Variants in GPC6 observed in about 807,000 individuals in gnomAD.
GPC6 encodes glypican 6.
A neutral mutation model predicts 55.2 loss-of-function variants in GPC6; 14 were observed. That is an observed-to-expected ratio of 0.25 (90% CI 0.17 to 0.40). GPC6 has a LOEUF of 0.40. GPC6 is among the 10% of genes least tolerant of loss of function. The pLI is 1.00. For missense variants in GPC6, 641 were observed against 708.5 expected (o/e 0.90, Z 1.08); for synonymous variants, 278 against 259.6 (o/e 1.07, Z -0.68).
At chr13:93,764,572 A>G (rs1480985888) in intron 2 of GPC6, among the ~76,000 whole-genome samples, 1 of 94,464 alleles carries the variant, frequency 1.1e-5, no homozygotes, top group Non-Finnish European at 2.0e-5. Context: ...TGAGAAAAAA[A>G]TAAAGATGTA....
intron 1 of GPC6, among the ~76,000 whole-genome samples, chr13:93,400,113 G>A (rs1473295882): frequency 1.6e-4 from 24 of 152,152 alleles, no homozygotes; most frequent in Non-Finnish European, 3.2e-4. Context: ...ACGGGGAGAT[G>A]CAGCTAGCCA....
At chr13:94,257,904 A>T (rs543697939) in intron 4 of GPC6, among the ~76,000 whole-genome samples, 5 of 152,238 alleles carry the variant, frequency 3.3e-5, no homozygotes, top group Non-Finnish European at 7.3e-5. Context: ...CACCAAATGC[A>T]TATAACCACT....
intron 3 of GPC6, among the ~76,000 whole-genome samples, chr13:93,895,235 T>TGTGTGTGTGTAC (rs1555339941): frequency 6.2e-4 from 12 of 19,460 alleles, no homozygotes; most frequent in African/African-American, 2.5e-3. Context: ...TGTGTGTGTG[T>TGTGTGTGTGTAC]ATATATATAT....
intron 4 of GPC6, among the ~76,000 whole-genome samples, chr13:94,192,207 G>A (rs1440187623): frequency 6.6e-6 from 1 of 152,142 alleles, no homozygotes; most frequent in African/African-American, 2.4e-5. Flanking sequence ...AAAAAAATGT[G>A]TTAACAGATA....
chr13:93,612,160 T>G (rs557849829), intron 2 of GPC6, among the ~76,000 whole-genome samples: 1 of 152,292 alleles, frequency 6.6e-6, no homozygotes, highest in Admixed American at 6.5e-5. Context: ...TAAAGTGAAT[T>G]GTGTTGCTAT....
intron 1 of GPC6, among the ~76,000 whole-genome samples, chr13:93,274,622 T>A (rs1471922240): frequency 1.3e-5 from 2 of 152,240 alleles, no homozygotes; most frequent in African/African-American, 2.4e-5. Flanking sequence ...GAGACTATTT[T>A]CATCTGAAAA....
At chr13:94,384,523 A>G (rs1880314078) in intron 7 of GPC6, among the ~76,000 whole-genome samples, 2 of 152,132 alleles carry the variant, frequency 1.3e-5, no homozygotes, top group African/African-American at 4.8e-5. Context: ...ATTAGTCCAT[A>G]TGCAATTTCT....
At chr13:93,811,502 A>G (rs996699600) in intron 2 of GPC6, among the ~76,000 whole-genome samples, 2 of 152,166 alleles carry the variant, frequency 1.3e-5, no homozygotes, top group Non-Finnish European at 2.9e-5. Flanking sequence ...ACTGGTTAAG[A>G]AAATGTTCTT....
At chr13:94,270,334 G>A (rs1891952269) in intron 4 of GPC6, among the ~76,000 whole-genome samples, 1 of 152,126 alleles carries the variant, frequency 6.6e-6, no homozygotes, top group Non-Finnish European at 1.5e-5. Context: ...AATCTAAAAA[G>A]CCAACAATAA....
intron 2 of GPC6, among the ~76,000 whole-genome samples, chr13:93,594,090 A>G (rs1227335915): frequency 2.6e-5 from 4 of 152,124 alleles, no homozygotes; most frequent in Non-Finnish European, 5.9e-5. Context: ...ATGTTTACCT[A>G]TTGGAGAGGA....
At chr13:93,760,320 A>G (rs1884916757) in intron 2 of GPC6, among the ~76,000 whole-genome samples, 1 of 152,212 alleles carries the variant, frequency 6.6e-6, no homozygotes, top group South Asian at 2.1e-4. Context: ...CCCAAAAGGC[A>G]TCTTAGGGAT....
At chr13:93,745,717 T>C (rs974967053) in intron 2 of GPC6, among the ~76,000 whole-genome samples, 1 of 152,200 alleles carries the variant, frequency 6.6e-6, no homozygotes, top group African/African-American at 2.4e-5. Flanking sequence ...AATATGCTAG[T>C]GTATTGTGTT....
At chr13:93,305,854 T>G (rs566346740) in intron 1 of GPC6, among the ~76,000 whole-genome samples, 1 of 152,350 alleles carries the variant, frequency 6.6e-6, no homozygotes, top group African/African-American at 2.4e-5. Context: ...ATTTTTCTCC[T>G]GTTTTTCTAC....
intron 1 of GPC6, among the ~76,000 whole-genome samples, chr13:93,313,231 A>C (rs1345333402): frequency 1.3e-5 from 2 of 151,012 alleles, no homozygotes; most frequent in South Asian, 4.1e-4. Context: ...AACCAACCAA[A>C]CAAACAACAA....
intron 4 of GPC6, among the ~76,000 whole-genome samples, chr13:94,169,098 C>G (rs553832012): frequency 7.9e-5 from 12 of 152,298 alleles, no homozygotes; most frequent in African/African-American, 2.9e-4. Flanking sequence ...TTTTGTCTTT[C>G]ATGAAGGCTT....
chr13:93,330,698 G>T (rs958082000), intron 1 of GPC6, among the ~76,000 whole-genome samples: 2 of 152,014 alleles, frequency 1.3e-5, no homozygotes, highest in African/African-American at 2.4e-5. Context: ...GGCTGATCTC[G>T]ATTCTATTGC....
intron 1 of GPC6, among the ~76,000 whole-genome samples, chr13:93,278,805 C>T (rs762766739): frequency 7.2e-5 from 11 of 152,056 alleles, no homozygotes; most frequent in Middle Eastern, 6.8e-3. Flanking sequence ...GTATTATATG[C>T]GGGATTCATG....
chr13:94,148,309 A>G (rs1022206250), intron 4 of GPC6, among the ~76,000 whole-genome samples: 1 of 152,218 alleles, frequency 6.6e-6, no homozygotes, highest in Non-Finnish European at 1.5e-5. Flanking sequence ...CATATTTCAA[A>G]TATGGTTAGG....
intron 3 of GPC6, among the ~76,000 whole-genome samples, chr13:93,869,808 C>T (rs1431602875): frequency 1.3e-5 from 2 of 151,756 alleles, no homozygotes; most frequent in Non-Finnish European, 2.9e-5. Flanking sequence ...CAGTGAGTGG[C>T]ATGGTTTTGT....
Sources: gnomAD v4.1 joint callset for allele counts (sites outside exome capture counted in the v4.1 genomes callset) on GRCh38, gnomAD v4.1.1 for gene constraint, MANE v1.5 for transcripts, NCBI Gene and HGNC (gene_info 2026-07-23, HGNC 2026-07-21) for gene names.